The following SMARCC1 variants were observed in gnomAD, a reference collection of about 807,000 sequenced individuals.
SMARCC1 encodes SWI/SNF related BAF chromatin remodeling complex subunit C1.
Under a neutral mutation model 147.4 loss-of-function variants are expected in SMARCC1, and 43 were observed. That is an observed-to-expected ratio of 0.29 (90% CI 0.23 to 0.38). The LOEUF (loss-of-function observed/expected upper bound fraction) is 0.38, where lower values mean the gene tolerates loss of function less well. Ranked by LOEUF, SMARCC1 falls within the 10% of genes least tolerant of loss-of-function variation. The pLI is 1.00. For synonymous variants in SMARCC1, 495 were observed against 484.4 expected (o/e 1.02, Z -0.29); for missense variants, 1,119 against 1,381.1 (o/e 0.81, Z 3.01).
chr3:47,644,589 C>A (rs1464281947), intron 21 of SMARCC1, among the ~76,000 whole-genome samples: 1 of 152,156 alleles, frequency 6.6e-6, no homozygotes, highest in Non-Finnish European at 1.5e-5. Flanking sequence ...CTCACTGCAA[C>A]CCCTGTCTCC....
chr3:47,771,438 T>C (rs895403290), intron 2 of SMARCC1, among the ~76,000 whole-genome samples: 1 of 151,970 alleles, frequency 6.6e-6, no homozygotes, highest in Non-Finnish European at 1.5e-5. Flanking sequence ...AGTTCGAAAA[T>C]ATAAATAAAG....
intron 2 of SMARCC1, among the ~76,000 whole-genome samples, chr3:47,760,842 A>T (rs2034765092): frequency 1.3e-5 from 2 of 151,914 alleles, no homozygotes; most frequent in South Asian, 2.1e-4. Context: ...ATTAAAAATT[A>T]AAAAATTTGG....
At chr3:47,733,032 G>A (rs1576425423) in intron 5 of SMARCC1, among the ~76,000 whole-genome samples, 1 of 150,816 alleles carries the variant, frequency 6.6e-6, no homozygotes, top group South Asian at 2.1e-4. Flanking sequence ...GCTTGAACCC[G>A]GGAGGTGGAG....
chr3:47,763,512 G>C (rs987570917), intron 2 of SMARCC1, among the ~76,000 whole-genome samples: 4 of 151,706 alleles, frequency 2.6e-5, no homozygotes, highest in African/African-American at 7.3e-5. Flanking sequence ...GATATATTAA[G>C]AAAAGCTCAA....
intron 26 of SMARCC1, among the ~76,000 whole-genome samples, chr3:47,595,126 G>A (rs1335065735): frequency 1.3e-5 from 2 of 152,306 alleles, no homozygotes; most frequent in East Asian, 3.9e-4. Context: ...GCTCCCTGCT[G>A]TGGATGGACC....
chr3:47,626,436 G>A (rs758605618), intron 24 of SMARCC1, among the ~76,000 whole-genome samples: 42 of 142,802 alleles, frequency 2.9e-4, no homozygotes, highest in South Asian at 8.8e-4. Context: ...GTGAGCCACC[G>A]TGCCTGGTGA....
chr3:47,653,601 T>G (rs1232496904), intron 21 of SMARCC1, among the ~76,000 whole-genome samples: 1 of 152,224 alleles, frequency 6.6e-6, no homozygotes, highest in Non-Finnish European at 1.5e-5. Context: ...CCTACTACAA[T>G]TTTGTTGAGC....
chr3:47,605,248 G>C (rs1392815016), intron 26 of SMARCC1, among the ~76,000 whole-genome samples: 2 of 152,118 alleles, frequency 1.3e-5, no homozygotes, highest in African/African-American at 4.8e-5. Flanking sequence ...ACACCTTAGG[G>C]ATATATACAA....
intron 24 of SMARCC1, among the ~76,000 whole-genome samples, chr3:47,624,700 T>C (rs1350304816): frequency 6.6e-6 from 1 of 152,040 alleles, no homozygotes; most frequent in Admixed American, 6.6e-5. Context: ...GATTCAAAAG[T>C]CACAGACCAA....
intron 18 of SMARCC1, among the ~76,000 whole-genome samples, chr3:47,671,200 A>AAAAAAAAAAC (rs2033497682): frequency 7.7e-6 from 1 of 130,000 alleles, no homozygotes; most frequent in African/African-American, 2.8e-5. Flanking sequence ...AAAAAAAAAC[A>AAAAAAAAAAC]CACACAAAAA....
Position 47,623,178 on chromosome 3 carries a change from A to T in SMARCC1, c.2647-837T>A, listed in dbSNP as rs1204281952. Among the ~76,000 whole-genome samples, 8 of 22,790 alleles carry T rather than the reference A, an allele frequency of 3.5e-4. 1 individual carries two copies. The highest frequency in any genetic ancestry group is 9.0e-4 in the Admixed American group (2 of 2,232). 15.0% of individuals were successfully genotyped at this position (22,790 alleles called of 152,430 possible). ...TTTTAAAGAAGCAGGGTTCTTCATA[A>T]AAAAAAAAAAAAAACCTATGTTGCC... On this transcript the variant is annotated intron_variant, in intron 24 of 27. Transcript: ENST00000254480.
intron 21 of SMARCC1, among the ~76,000 whole-genome samples, chr3:47,653,112 C>T (rs572088173): frequency 4.6e-5 from 7 of 152,156 alleles, no homozygotes; most frequent in South Asian, 4.1e-4. Flanking sequence ...CGCCCGCCAC[C>T]GCGCCCGGCT....
chr3:47,762,576 G>A (rs1034301410), intron 2 of SMARCC1, among the ~76,000 whole-genome samples: 3 of 152,322 alleles, frequency 2.0e-5, no homozygotes, highest in South Asian at 2.1e-4. Context: ...TATGCTCAAC[G>A]TATTTACAGG....
intron 27 of SMARCC1, 151 bp downstream of exon 27, chr3:47,590,510 G>T: frequency 1.7e-6 from 1 of 587,514 alleles, no homozygotes. Flanking sequence ...GAAGAACACA[G>T]ACTGAAAACT....
At chr3:47,718,377 G>A (rs568163545) in intron 7 of SMARCC1, among the ~76,000 whole-genome samples, 16 of 151,580 alleles carry the variant, frequency 1.1e-4, no homozygotes, top group Admixed American at 2.0e-4. Context: ...CCAGGGAGGC[G>A]GAGCTGAGGT....
chr3:47,643,780 G>A (rs891537254), intron 21 of SMARCC1, among the ~76,000 whole-genome samples: 1 of 152,020 alleles, frequency 6.6e-6, no homozygotes, highest in Non-Finnish European at 1.5e-5. Flanking sequence ...TCAAATTATT[G>A]GTAATGTTCT....
chr3:47,669,434 C>A (rs1323517830), intron 19 of SMARCC1, among the ~76,000 whole-genome samples: 1 of 152,000 alleles, frequency 6.6e-6, no homozygotes, highest in African/African-American at 2.4e-5. Flanking sequence ...TTATAGTCAC[C>A]CACAAGTACT....
At chr3:47,714,023 G>T (rs1045540332) in intron 8 of SMARCC1, among the ~76,000 whole-genome samples, 1 of 152,238 alleles carries the variant, frequency 6.6e-6, no homozygotes, top group African/African-American at 2.4e-5. Flanking sequence ...TATCTCCTTA[G>T]AGAGACTGCT....
intron 19 of SMARCC1, among the ~76,000 whole-genome samples, chr3:47,662,812 C>T (rs904971461): frequency 2.6e-5 from 4 of 151,680 alleles, no homozygotes; most frequent in East Asian, 2.0e-4. Context: ...GTGGCTCACG[C>T]GTATAATCTC....
Sources: allele counts gnomAD v4.1 joint callset (sites outside exome capture counted in the v4.1 genomes callset), GRCh38; gene constraint gnomAD v4.1.1; transcripts MANE v1.5; gene names NCBI Gene and HGNC (gene_info 2026-07-23, HGNC 2026-07-21).